Variants in ACSM2B observed in about 807,000 individuals in gnomAD.
The protein encoded by ACSM2B is acyl-CoA synthetase medium chain family member 2B.
In ACSM2B, 58 loss-of-function variants were observed where a neutral mutation model predicts 78.6. The observed-to-expected ratio is 0.74, with a 90% CI of 0.60 to 0.92. The LOEUF is 0.92. ACSM2B is among the 40% of genes least tolerant of loss of function. The pLI, the probability that ACSM2B is intolerant of heterozygous loss-of-function variation, is 0.00. For missense variants in ACSM2B, 688 were observed against 711.2 expected, an observed-to-expected ratio of 0.97 and a Z score of 0.37; for synonymous variants, 257 against 256.8, an observed-to-expected ratio of 1.00 and a Z score of -0.01.
At chr16:20,541,757 A>G (rs1224631333) in intron 12 of ACSM2B, 2 of 133,382 alleles carry the variant, frequency 1.5e-5, no homozygotes, top group Non-Finnish European at 3.0e-5. Context: ...ATCTCGGCTC[A>G]CTGCAAACTC....
At chr16:20,558,075 G>A (rs2015531246) in intron 3 of ACSM2B, among the ~76,000 whole-genome samples, 1 of 152,194 alleles carries the variant, frequency 6.6e-6, no homozygotes, top group South Asian at 2.1e-4. Context: ...TTATAGTTCA[G>A]GAGTCATGGA....
At chr16:20,538,430 A>G (rs1485635201) in intron 13 of ACSM2B, among the ~76,000 whole-genome samples, 2 of 152,220 alleles carry the variant, frequency 1.3e-5, no homozygotes, top group East Asian at 1.9e-4. Flanking sequence ...CATAGACCAC[A>G]TAGCCTACAA....
chr16:20,566,758 AGT>A (rs1491323838), intron 1 of ACSM2B, among the ~76,000 whole-genome samples: 1 of 87,482 alleles, frequency 1.1e-5, no homozygotes, highest in African/African-American at 6.0e-5. Context: ...TACTATATAT[AGT>A]ATATATAGAT....
At position 20,551,974 on chromosome 16, in the gene ACSM2B, C is replaced by A. The variant is rs552538685; in HGVS notation, c.894+170G>T. ...TATGTGCCTGTCTCCTACCCCAGAA[C>A]ATGAGCTCTGCGAGGTCAGGGACCA... On this transcript the variant is annotated intron_variant, in intron 6 of 13. Transcript: ENST00000329697. Among the ~76,000 whole-genome samples the A allele has an allele frequency of 8.5e-5, 13 of 152,338 alleles. 1 individual carries two copies. In the East Asian group the frequency reaches 2.5e-3, roughly 29 times the overall value.
chr16:20,575,260 T>G (rs1484726003), intron 1 of ACSM2B, among the ~76,000 whole-genome samples: 4 of 151,882 alleles, frequency 2.6e-5, no homozygotes, highest in Admixed American at 6.6e-5. Flanking sequence ...GAAACAGAAC[T>G]AATGGAATAT....
intron 1 of ACSM2B, among the ~76,000 whole-genome samples, chr16:20,566,830 T>G (rs2015908099): frequency 8.5e-6 from 1 of 117,612 alleles, no homozygotes; most frequent in South Asian, 2.3e-4. Context: ...TTATATCTTT[T>G]ATATATATAC....
At chr16:20,554,773 G>T (rs970794337) in intron 4 of ACSM2B, among the ~76,000 whole-genome samples, 2 of 152,178 alleles carry the variant, frequency 1.3e-5, no homozygotes, top group African/African-American at 2.4e-5. Flanking sequence ...CCCCTGATTT[G>T]AGTCATAGTT....
rs117320151 is a variant in ACSM2B at position 20,538,266 on chromosome 16, A to T, written c.1630-904T>A. ...TGGAGAAGAGTTTATTCAAAACACAATGAAATGGAGCAGAGGTCAGCAAAC... is the reference window on the plus strand; with the variant it reads ...TGGAGAAGAGTTTATTCAAAACACATTGAAATGGAGCAGAGGTCAGCAAAC... On this transcript the variant is annotated intron_variant, in intron 13 of 13. Transcript: ENST00000329697. Among the ~76,000 whole-genome samples, 373 of 152,326 alleles carry T rather than the reference A, an allele frequency of 2.4e-3. 1 individual carries two copies. The highest frequency in any genetic ancestry group is 8.4e-3 in the African/African-American group (349 of 41,568).
chr16:20,567,881 C>A (rs1440660678), intron 1 of ACSM2B, among the ~76,000 whole-genome samples: 9 of 137,678 alleles, frequency 6.5e-5, no homozygotes, highest in Admixed American at 5.4e-4. Flanking sequence ...ATATACTATA[C>A]TATTATATAG....
intron 1 of ACSM2B, among the ~76,000 whole-genome samples, chr16:20,573,053 C>G (rs1240100924): frequency 6.7e-6 from 1 of 149,476 alleles, no homozygotes; most frequent in East Asian, 2.1e-4. Flanking sequence ...CTTCTGAATA[C>G]TTTCTCAGGT....
chr16:20,559,304 A>G lies in ACSM2B; in HGVS notation c.321T>C (p.Asp107=). The G allele has an allele frequency of 6.2e-7, 1 of 1,613,542 alleles. No individual in the cohort carries two copies. ...CTCGGGGCAGCATCACTGCCACACG[A>G]TCCCCACGCTGCAGGCCACAGGCTC... ...LSGACGLQRG[D]RVAVMLPRVP... The change falls in exon 3 of 14, where the codon GAT becomes GAC. Residue 107 remains aspartate, a synonymous_variant. Coordinates refer to ENST00000329697, the MANE Select transcript of ACSM2B (RefSeq NM_001105069.2).
chr16:20,567,408 A>ATAATATATAATATAGTATAT (rs1426083682), intron 1 of ACSM2B, among the ~76,000 whole-genome samples: 2 of 119,116 alleles, frequency 1.7e-5, no homozygotes, highest in Non-Finnish European at 3.2e-5. Context: ...AATATATTAT[A>ATAATATATAATATAGTATAT]TAATATATAA....
Position 20,537,369 on chromosome 16 carries a change from A to G in ACSM2B, c.1630-7T>C, listed in dbSNP as rs377088935. The G allele has an allele frequency of 1.7e-5, 28 of 1,613,632 alleles. No homozygotes were observed. The highest frequency in any genetic ancestry group is 1.1e-5 in the Non-Finnish European group (13 of 1,179,658). On this transcript the variant is annotated splice_region_variant and splice_polypyrimidine_tract_variant and intron_variant, in intron 13 of 13. Coordinates refer to ENST00000329697, the MANE Select transcript of ACSM2B (RefSeq NM_001105069.2). ...GGTTCAAGACAAACTCTATCTGTTGAAAAACAAATCAGTCCAGGGTGGGTG... is the reference window on the plus strand; with the variant it reads ...GGTTCAAGACAAACTCTATCTGTTGGAAAACAAATCAGTCCAGGGTGGGTG...
intron 1 of ACSM2B, 134 bp from the exon 2 acceptor site, chr16:20,564,987 A>G (rs1243198019): frequency 8.8e-6 from 11 of 1,254,734 alleles, no homozygotes; most frequent in Non-Finnish European, 1.1e-5. Flanking sequence ...TTATGAGTAA[A>G]TTGGCACTCT....
At chr16:20,543,455 G>C (rs1015964679) in intron 10 of ACSM2B, among the ~76,000 whole-genome samples, 193 bp from the exon 11 acceptor site, 6 of 152,220 alleles carry the variant, frequency 3.9e-5, no homozygotes, top group African/African-American at 1.4e-4. Context: ...ATTTATTGAA[G>C]TTATTCCACC....
chr16:20,567,849 A>G (rs1377220160), intron 1 of ACSM2B, among the ~76,000 whole-genome samples: 1 of 141,714 alleles, frequency 7.1e-6, no homozygotes, highest in Non-Finnish European at 1.5e-5. Flanking sequence ...TATATAATAT[A>G]TTTTATATAT....
chr16:20,553,305 GA>G, intron 5 of ACSM2B, among the ~76,000 whole-genome samples: 1 of 152,164 alleles, frequency 6.6e-6, no homozygotes, highest in Middle Eastern at 3.4e-3. Context: ...GTATCAGTGG[GA>G]AAAAAATGCT....
chr16:20,564,346 T>G (rs941981300), intron 2 of ACSM2B, among the ~76,000 whole-genome samples: 19 of 151,990 alleles, frequency 1.3e-4, no homozygotes, highest in Non-Finnish European at 2.2e-4. Context: ...AACCCGCCTC[T>G]TCTACGACCC....
intron 1 of ACSM2B, among the ~76,000 whole-genome samples, chr16:20,567,200 T>C (rs1435925132): frequency 7.6e-6 from 1 of 132,144 alleles, no homozygotes; most frequent in Non-Finnish European, 1.6e-5. Flanking sequence ...ATTATACTAT[T>C]ATATTATATA....
Sources: gnomAD v4.1 joint callset for allele counts (sites outside exome capture counted in the v4.1 genomes callset) on GRCh38, gnomAD v4.1.1 for gene constraint, MANE v1.5 for transcripts, NCBI Gene and HGNC (gene_info 2026-07-23, HGNC 2026-07-21) for gene names.